PARD3: variants seen among roughly 807,000 people sequenced by gnomAD.
PARD3 encodes par-3 family cell polarity regulator, also known as partitioning defective 3 homolog.
Under a neutral mutation model 155.4 loss-of-function variants are expected in PARD3, and 75 were observed. The ratio of observed to expected loss-of-function variants is 0.48; its 90% CI spans 0.40 to 0.58. The LOEUF is 0.58. PARD3 is among the 20% of genes least tolerant of loss of function. The pLI, the probability that PARD3 is intolerant of heterozygous loss-of-function variation, is 0.00. For synonymous variants in PARD3, 576 were observed against 610.5 expected (o/e 0.94, Z 0.83); for missense variants, 1,642 against 1,721.7 (o/e 0.95, Z 0.82).
chr10:34,235,444 T>C (rs1325749590), intron 22 of PARD3, among the ~76,000 whole-genome samples: 1 of 152,226 alleles, frequency 6.6e-6, no homozygotes, highest in Non-Finnish European at 1.5e-5. Context: ...CTCATTCAAA[T>C]TGTTTGCCCT....
chr10:34,539,823 G>C (rs1485047310), intron 2 of PARD3, among the ~76,000 whole-genome samples: 1 of 152,202 alleles, frequency 6.6e-6, no homozygotes, highest in Non-Finnish European at 1.5e-5. Flanking sequence ...TTGGCTTCCT[G>C]AAATAGGCCA....
intron 2 of PARD3, among the ~76,000 whole-genome samples, chr10:34,626,395 C>CTCTT (rs1218703161): frequency 1.3e-5 from 2 of 152,190 alleles, no homozygotes; most frequent in African/African-American, 2.4e-5. Context: ...TTCTCTCTCT[C>CTCTT]TCTTTCTTTC....
At chr10:34,710,687 T>A (rs994293373) in intron 1 of PARD3, among the ~76,000 whole-genome samples, 3 of 152,216 alleles carry the variant, frequency 2.0e-5, no homozygotes, top group African/African-American at 7.2e-5. Flanking sequence ...CGTATTTCGA[T>A]GTTCAATTGT....
intron 2 of PARD3, among the ~76,000 whole-genome samples, chr10:34,532,269 A>G (rs529545841): frequency 6.6e-6 from 1 of 152,224 alleles, no homozygotes; most frequent in African/African-American, 2.4e-5. Flanking sequence ...CTCGCTACAT[A>G]GTTCATCTAA....
At chr10:34,643,509 C>G (rs759839901) in intron 2 of PARD3, among the ~76,000 whole-genome samples, 10 of 152,224 alleles carry the variant, frequency 6.6e-5, no homozygotes, top group Admixed American at 2.0e-4. Context: ...ATAGAACAGG[C>G]ATCAAGGCCT....
chr10:34,599,483 T>C (rs1320420967), intron 2 of PARD3, among the ~76,000 whole-genome samples: 3 of 152,198 alleles, frequency 2.0e-5, no homozygotes, highest in African/African-American at 7.2e-5. Context: ...GGCATGGAAC[T>C]GAGAAACATA....
intron 3 of PARD3, among the ~76,000 whole-genome samples, chr10:34,505,805 C>T (rs2133482000): frequency 6.6e-6 from 1 of 152,204 alleles, no homozygotes; most frequent in East Asian, 1.9e-4. Context: ...AATATATGGG[C>T]CAAATGTTTA....
At chr10:34,424,901 T>TA (rs1473509054) in intron 5 of PARD3, among the ~76,000 whole-genome samples, 1 of 152,182 alleles carries the variant, frequency 6.6e-6, no homozygotes, top group African/African-American at 2.4e-5. Context: ...TCTCCTTTAC[T>TA]ATTTAAAAAA....
At chr10:34,425,547 C>T (rs2075557055) in intron 5 of PARD3, among the ~76,000 whole-genome samples, 1 of 152,134 alleles carries the variant, frequency 6.6e-6, no homozygotes, top group Non-Finnish European at 1.5e-5. Context: ...AGGTGTGCAC[C>T]ACTATGTCTG....
rs555061923 is a variant in PARD3, at chr10:34,660,378, T to C, written c.222+35940A>G. The stretch of plus-strand genomic sequence containing the variant: ...AAATACTTACATTATCTATGCTTAT[T>C]TTTCTCTAAAAAGGGGCAATTTAAA... On this transcript the variant is annotated intron_variant, in intron 2 of 24. Transcript: ENST00000374788. 2.6e-5 allele frequency among the ~76,000 whole-genome samples: 4 copies of C among 152,318 alleles called. No individual in the cohort carries two copies. The East Asian group carries it at 7.7e-4, about 29-fold the overall frequency.
chr10:34,130,631 A>G (rs1479988343), intron 23 of PARD3, among the ~76,000 whole-genome samples: 1 of 152,206 alleles, frequency 6.6e-6, no homozygotes, highest in East Asian at 1.9e-4. Context: ...CTCTAGGGTG[A>G]GACACAAGAT....
intron 2 of PARD3, among the ~76,000 whole-genome samples, chr10:34,611,930 G>A (rs866490246): frequency 8.6e-5 from 9 of 104,670 alleles, no homozygotes; most frequent in South Asian, 7.3e-4. Flanking sequence ...CTGCCTCAGC[G>A]CCCCCCCTAC....
At chr10:34,794,797 T>G (rs1842069849) in intron 1 of PARD3, among the ~76,000 whole-genome samples, 1 of 152,260 alleles carries the variant, frequency 6.6e-6, no homozygotes, top group Admixed American at 6.5e-5. Context: ...TACATTTTAT[T>G]GCCCTTGCCC....
intron 19 of PARD3, among the ~76,000 whole-genome samples, chr10:34,324,309 C>A (rs997347891): frequency 1.2e-4 from 18 of 152,124 alleles, no homozygotes; most frequent in Non-Finnish European, 1.2e-4. Flanking sequence ...GCAAAAATTT[C>A]CTGATGTTAA....
intron 20 of PARD3, among the ~76,000 whole-genome samples, chr10:34,294,711 C>CAG (rs1825348291): frequency 6.6e-6 from 1 of 152,136 alleles, no homozygotes; most frequent in African/African-American, 2.4e-5. Flanking sequence ...TGTGGAAAAA[C>CAG]TGCTAAGAAT....
intron 2 of PARD3, among the ~76,000 whole-genome samples, chr10:34,542,129 T>C (rs950129753): frequency 6.6e-6 from 1 of 151,898 alleles, no homozygotes; most frequent in African/African-American, 2.4e-5. Context: ...GAAAATGATA[T>C]GGAATGAATA....
chr10:34,228,355 A>T (rs1184585162), intron 22 of PARD3, among the ~76,000 whole-genome samples: 1 of 151,990 alleles, frequency 6.6e-6, no homozygotes, highest in African/African-American at 2.4e-5. Context: ...ATGACATGCA[A>T]TTTGCCCATG....
At chr10:34,517,695 G>A (rs938425484) in intron 2 of PARD3, among the ~76,000 whole-genome samples, 4 of 151,500 alleles carry the variant, frequency 2.6e-5, no homozygotes, top group African/African-American at 7.3e-5. Context: ...TCTACTACAC[G>A]CCCCCCACAC....
intron 2 of PARD3, chr10:34,663,772 C>T (rs940697047): frequency 2.6e-5 from 4 of 151,840 alleles, no homozygotes; most frequent in Admixed American, 2.0e-4. Flanking sequence ...TTTCATTTCC[C>T]CCTCAGTTTT....
Sources: allele counts gnomAD v4.1 joint callset (sites outside exome capture counted in the v4.1 genomes callset), GRCh38; gene constraint gnomAD v4.1.1; transcripts MANE v1.5; gene names NCBI Gene and HGNC (gene_info 2026-07-23, HGNC 2026-07-21).